The following DTNB variants were observed in gnomAD, a reference collection of about 807,000 sequenced individuals.
The protein encoded by DTNB is DTN-B.
Under a neutral mutation model 90.7 loss-of-function variants are expected in DTNB, and 63 were observed. The ratio of observed to expected loss-of-function variants is 0.69; its 90% confidence interval spans 0.57 to 0.86. The LOEUF (loss-of-function observed/expected upper bound fraction) is 0.86, where lower values mean the gene tolerates loss of function less well. DTNB is among the 40% of genes least tolerant of loss of function. DTNB has a pLI of 0.00. For missense variants in DTNB, 744 were observed against 807.1 expected (o/e 0.92, Z 0.95); for synonymous variants, 277 against 286.7 (o/e 0.97, Z 0.34).
intron 1 of DTNB, chr2:25,652,901 GC>G (rs2081249577): frequency 1.7e-5 from 6 of 359,828 alleles, no homozygotes; most frequent in Non-Finnish European, 3.0e-5. Flanking sequence ...TGCTTACTGT[GC>G]TAAAAATATG....
chr2:25,562,514 C>T (rs1431356682), intron 8 of DTNB, among the ~76,000 whole-genome samples: 1 of 152,172 alleles, frequency 6.6e-6, no homozygotes, highest in Non-Finnish European at 1.5e-5. Context: ...AACTGTTTTC[C>T]AATGTGGCTA....
At chr2:25,396,267 T>C (rs2042329073) in intron 16 of DTNB, among the ~76,000 whole-genome samples, 1 of 152,082 alleles carries the variant, frequency 6.6e-6, no homozygotes, top group Non-Finnish European at 1.5e-5. Flanking sequence ...TCCCAGCACT[T>C]TGGGAGGCCA....
rs1238963748 is a variant in DTNB at position 25,641,555 on chromosome 2, T to C, written c.68-2461A>G. On this transcript the variant is annotated intron_variant, in intron 2 of 20. Coordinates refer to ENST00000406818, the MANE Select transcript of DTNB (RefSeq NM_021907.5). ...TGGAATTACAGGCATAAGCCCACCA[T>C]GCCTGGCAACTACTCCTTGCAAAAC... 2.6e-5 allele frequency among the ~76,000 whole-genome samples: 4 copies of C among 152,134 alleles called. No homozygotes were observed. In the South Asian group the frequency reaches 6.2e-4, roughly 24 times the overall value.
rs565183741 is a variant in DTNB, at chr2:25,439,277, G to A, written c.1258-5282C>T. ...GCACTCTGGGAGACAGAGGTGGGAG[G>A]TCATTTGAGGCCAGGAGTTCGAGAC... On this transcript the variant is annotated intron_variant, in intron 12 of 20. Transcript: ENST00000406818. 2.0e-5 allele frequency among the ~76,000 whole-genome samples: 3 copies of A among 152,228 alleles called. No individual in the cohort carries two copies. The East Asian group carries it at 5.8e-4, about 29-fold the overall frequency.
At chr2:25,639,709 T>C (rs2148835762) in intron 2 of DTNB, among the ~76,000 whole-genome samples, 1 of 152,234 alleles carries the variant, frequency 6.6e-6, no homozygotes, top group African/African-American at 2.4e-5. Context: ...TCCATGTGAA[T>C]CTGACCAGGA....
intron 4 of DTNB, among the ~76,000 whole-genome samples, chr2:25,613,434 T>C (rs1247773909): frequency 6.6e-6 from 1 of 152,192 alleles, no homozygotes; most frequent in Non-Finnish European, 1.5e-5. Context: ...TGTCTACTGT[T>C]CCCATGTTTA....
At chr2:25,626,548 G>C (rs946416687) in intron 4 of DTNB, among the ~76,000 whole-genome samples, 2 of 152,122 alleles carry the variant, frequency 1.3e-5, no homozygotes, top group Non-Finnish European at 2.9e-5. Flanking sequence ...AAGACTGTTT[G>C]AGCCCAGTAG....
At chr2:25,609,594 T>A (rs1183912248) in intron 4 of DTNB, among the ~76,000 whole-genome samples, 1 of 29,954 alleles carries the variant, frequency 3.3e-5, no homozygotes, top group African/African-American at 1.3e-4. Context: ...CGAAACTCTT[T>A]CAAAAAAAAA....
In DTNB at chr2:25,377,302, C is replaced by A. The variant is rs555378258; in HGVS notation, c.*281G>T. 2.0e-5 allele frequency: 3 copies of A among 153,128 alleles called. No individual in the cohort carries two copies. The South Asian group carries it at 6.2e-4, about 32-fold the overall frequency. 9.5% of individuals were successfully genotyped at this position (153,128 alleles called of 1,614,324 possible). A position where few individuals can be genotyped will look rare whatever the true frequency, so the allele number is the denominator to read the frequency against. Reference sequence around the variant, plus strand: ...GTGAATTCCTGATGCGGAGATGAGACCATGCCCTGAGGGGAGTGATGAAGG... The same window carrying A: ...GTGAATTCCTGATGCGGAGATGAGAACATGCCCTGAGGGGAGTGATGAAGG... On this transcript the variant is annotated 3_prime_UTR_variant, in exon 21 of 21. Transcript: ENST00000406818.
At chr2:25,422,187 G>A (rs1490188728) in intron 15 of DTNB, among the ~76,000 whole-genome samples, 1 of 152,086 alleles carries the variant, frequency 6.6e-6, no homozygotes, top group Non-Finnish European at 1.5e-5. Flanking sequence ...ATTATAAAGT[G>A]TAAACTTAGA....
chr2:25,413,063 C>G (rs527923620), intron 16 of DTNB, among the ~76,000 whole-genome samples: 1 of 152,242 alleles, frequency 6.6e-6, no homozygotes, highest in Non-Finnish European at 1.5e-5. Context: ...TATAGATATC[C>G]TGCATTTTAT....
At position 25,454,128 on chromosome 2, in the gene DTNB, C is replaced by T. The variant is rs113961982; in HGVS notation, c.1169+1277G>A. Among the ~76,000 whole-genome samples the T allele has an allele frequency of 9.4e-3, 1,387 of 147,030 alleles. 22 individuals carry two copies. Among genetic ancestry groups the T allele is most frequent in the African/African-American group, 0.033 (1,291 of 39,706 alleles). ...TGGCACCACTGCGCTCCAACCTGGACGACACAGTGAGACTCTGTCTCAAAA... is the reference window on the plus strand; with the variant it reads ...TGGCACCACTGCGCTCCAACCTGGATGACACAGTGAGACTCTGTCTCAAAA... On this transcript the variant is annotated intron_variant, in intron 11 of 20. Transcript: ENST00000406818.
chr2:25,656,562 G>A (rs2148972149), intron 1 of DTNB, among the ~76,000 whole-genome samples: 1 of 152,244 alleles, frequency 6.6e-6, no homozygotes, highest in African/African-American at 2.4e-5. Context: ...TTCAAACCCT[G>A]CCATTTCCTT....
At chr2:25,632,192 C>CAAAAAAAAAAAAAAAAAA (rs71399307) in intron 3 of DTNB, among the ~76,000 whole-genome samples, 1 of 76,882 alleles carries the variant, frequency 1.3e-5, no homozygotes. Context: ...GACTCTGTCT[C>CAAAAAAAAAAAAAAAAAA]AAAAAAAAAA....
At chr2:25,519,438 C>G (rs1382360684) in intron 9 of DTNB, among the ~76,000 whole-genome samples, 3 of 143,124 alleles carry the variant, frequency 2.1e-5, no homozygotes, top group African/African-American at 7.8e-5. Flanking sequence ...CTCTAAAAAA[C>G]AAATAACCCA....
At chr2:25,663,934 A>G (rs1412002383) in intron 1 of DTNB, among the ~76,000 whole-genome samples, 1 of 152,236 alleles carries the variant, frequency 6.6e-6, no homozygotes, top group East Asian at 1.9e-4. Context: ...CTCAAAAGGA[A>G]CTTCTAAAAA....
chr2:25,547,456 TG>T (rs1205128301), intron 8 of DTNB, among the ~76,000 whole-genome samples: 4 of 151,986 alleles, frequency 2.6e-5, no homozygotes, highest in Admixed American at 1.3e-4. Context: ...CCGGAGTAGC[TG>T]GGATTACAGG....
chr2:25,458,434 A>C (rs2060398384), intron 10 of DTNB, among the ~76,000 whole-genome samples: 1 of 151,230 alleles, frequency 6.6e-6, no homozygotes, highest in Non-Finnish European at 1.5e-5. Context: ...AGAGAGAGAG[A>C]AATCAACAGT....
intron 8 of DTNB, among the ~76,000 whole-genome samples, chr2:25,540,478 T>A (rs931024121): frequency 6.6e-6 from 1 of 152,112 alleles, no homozygotes; most frequent in Non-Finnish European, 1.5e-5. Context: ...ATCATTTTAT[T>A]ATTATTATTA....
Sources: allele counts gnomAD v4.1 joint callset (sites outside exome capture counted in the v4.1 genomes callset), GRCh38; gene constraint gnomAD v4.1.1; transcripts MANE v1.5; gene names NCBI Gene and HGNC (gene_info 2026-07-23, HGNC 2026-07-21).